HDAC9: variants seen among roughly 807,000 people sequenced by gnomAD.
HDAC9 encodes MEF-2 interacting transcription repressor (MITR) protein.
HDAC9 carries 41 observed loss-of-function variants against 139.4 expected under a neutral mutation model. The observed-to-expected ratio is 0.29, with a 90% CI of 0.23 to 0.38. The LOEUF is 0.38. HDAC9 is among the 10% of genes least tolerant of loss of function. HDAC9 has a pLI of 1.00. For synonymous variants in HDAC9, 517 were observed against 476.2 expected (o/e 1.09, Z -1.12); for missense variants, 1,147 against 1,297.0 (o/e 0.88, Z 1.78).
chr7:18,175,236 G>T (rs1788794135), intron 2 of HDAC9, among the ~76,000 whole-genome samples: 1 of 152,210 alleles, frequency 6.6e-6, no homozygotes, highest in Non-Finnish European at 1.5e-5. Context: ...CAGTGAGCAA[G>T]GTTCTGTGGG....
At chr7:18,859,889 A>G (rs1456505987) in intron 21 of HDAC9, among the ~76,000 whole-genome samples, 5 of 141,380 alleles carry the variant, frequency 3.5e-5, no homozygotes, top group Admixed American at 7.1e-5. Context: ...AGAAATATAT[A>G]TGATTTTATT....
chr7:18,618,594 CA>C (rs1839322137), intron 6 of HDAC9, among the ~76,000 whole-genome samples: 1 of 151,828 alleles, frequency 6.6e-6, no homozygotes, highest in Admixed American at 6.6e-5. Context: ...CTCACGCAGT[CA>C]GTTCACATGT....
At chr7:18,337,871 A>G (rs1781696744) in intron 1 of HDAC9, among the ~76,000 whole-genome samples, 1 of 151,746 alleles carries the variant, frequency 6.6e-6, no homozygotes, top group South Asian at 2.1e-4. Context: ...ACTGTGAATG[A>G]TGGATAAATC....
intron 25 of HDAC9, among the ~76,000 whole-genome samples, chr7:18,991,441 T>A (rs996707427): frequency 6.6e-6 from 1 of 152,066 alleles, no homozygotes; most frequent in Non-Finnish European, 1.5e-5. Context: ...ATCAAGACCA[T>A]CCTGGCTAAC....
At chr7:18,252,816 A>T (rs1034675911) in intron 2 of HDAC9, among the ~76,000 whole-genome samples, 1 of 152,114 alleles carries the variant, frequency 6.6e-6, no homozygotes, top group African/African-American at 2.4e-5. Context: ...ACAATCTTAC[A>T]TAGGTAGACT....
At chr7:18,320,989 T>G (rs961697119) in intron 1 of HDAC9, among the ~76,000 whole-genome samples, 3 of 152,214 alleles carry the variant, frequency 2.0e-5, no homozygotes, top group Non-Finnish European at 4.4e-5. Flanking sequence ...GTATTGAGAA[T>G]AAAAATATTT....
intron 22 of HDAC9, among the ~76,000 whole-genome samples, chr7:18,914,942 A>G (rs1393994096): frequency 2.0e-5 from 3 of 152,096 alleles, no homozygotes; most frequent in Non-Finnish European, 4.4e-5. Flanking sequence ...AAAAAAGCAG[A>G]ATGAGAAACA....
At chr7:18,948,087 G>A (rs1782527454) in intron 23 of HDAC9, among the ~76,000 whole-genome samples, 1 of 151,912 alleles carries the variant, frequency 6.6e-6, no homozygotes, top group Admixed American at 6.6e-5. Flanking sequence ...ATAAAGGATA[G>A]CTACAAAATA....
At chr7:18,163,445 G>A (rs1051475748) in intron 2 of HDAC9, among the ~76,000 whole-genome samples, 3 of 152,138 alleles carry the variant, frequency 2.0e-5, no homozygotes, top group African/African-American at 4.8e-5. Context: ...GACATCACTC[G>A]GAGAGTTTGT....
intron 1 of HDAC9, among the ~76,000 whole-genome samples, chr7:18,320,716 G>C (rs1200753918): frequency 6.6e-6 from 1 of 152,150 alleles, no homozygotes; most frequent in East Asian, 1.9e-4. Flanking sequence ...TGAGTGAGCA[G>C]ATAAGTCTGA....
chr7:18,558,640 A>G (rs554216539), intron 2 of HDAC9, among the ~76,000 whole-genome samples: 1 of 152,336 alleles, frequency 6.6e-6, no homozygotes, highest in African/African-American at 2.4e-5. Flanking sequence ...ACCAACTTTA[A>G]TTGCTTTCTC....
At chr7:18,160,463 C>A (rs1381406020) in intron 1 of HDAC9, among the ~76,000 whole-genome samples, 1 of 152,130 alleles carries the variant, frequency 6.6e-6, no homozygotes, top group Non-Finnish European at 1.5e-5. Flanking sequence ...AAGCAGATAG[C>A]ATCTCAGTTT....
At chr7:18,437,428 A>G (rs1417379637) in intron 1 of HDAC9, among the ~76,000 whole-genome samples, 1 of 151,938 alleles carries the variant, frequency 6.6e-6, no homozygotes, top group Non-Finnish European at 1.5e-5. Flanking sequence ...GTGCTCATCT[A>G]TACTCTGTTT....
chr7:18,916,193 T>A (rs536114320), intron 22 of HDAC9, among the ~76,000 whole-genome samples: 1 of 152,104 alleles, frequency 6.6e-6, no homozygotes, highest in African/African-American at 2.4e-5. Flanking sequence ...AGCGTGAATA[T>A]GAAATGTCAG....
At chr7:18,991,054 C>T (rs932148678) in intron 25 of HDAC9, among the ~76,000 whole-genome samples, 4 of 152,234 alleles carry the variant, frequency 2.6e-5, no homozygotes, top group Non-Finnish European at 2.9e-5. Context: ...CCTATTCGGC[C>T]ATCTTGGCTC....
intron 12 of HDAC9, among the ~76,000 whole-genome samples, chr7:18,708,116 G>A (rs556135768): frequency 3.0e-4 from 45 of 152,274 alleles, no homozygotes; most frequent in South Asian, 4.1e-4. Context: ...AAGAGGTAAG[G>A]ATGGATGTGG....
At chr7:18,801,338 A>G (rs1186148980) in intron 17 of HDAC9, among the ~76,000 whole-genome samples, 1 of 152,066 alleles carries the variant, frequency 6.6e-6, no homozygotes, top group Non-Finnish European at 1.5e-5. Context: ...GAAATGTTTT[A>G]TAGGTGGCTA....
At chr7:18,699,101 A>C (rs1783267951) in intron 12 of HDAC9, among the ~76,000 whole-genome samples, 1 of 152,206 alleles carries the variant, frequency 6.6e-6, no homozygotes, top group Non-Finnish European at 1.5e-5. Flanking sequence ...TCAAATCCAC[A>C]GTATCTCTCC....
chr7:18,814,626 G>T (rs1240088103), intron 17 of HDAC9, among the ~76,000 whole-genome samples: 4 of 152,072 alleles, frequency 2.6e-5, no homozygotes, highest in Non-Finnish European at 5.9e-5. Flanking sequence ...GAAAAGGCTG[G>T]TCAATTGCTT....
Sources: allele counts gnomAD v4.1 joint callset (sites outside exome capture counted in the v4.1 genomes callset), GRCh38; gene constraint gnomAD v4.1.1; transcripts MANE v1.5; gene names NCBI Gene and HGNC (gene_info 2026-07-23, HGNC 2026-07-21).